CNTNAP4: variants seen among roughly 807,000 people sequenced by gnomAD.
CNTNAP4 encodes the protein contactin-associated protein-like 4.
Under a neutral mutation model 148.4 loss-of-function variants are expected in CNTNAP4, and 98 were observed. The observed-to-expected ratio is 0.66, with a 90% CI of 0.56 to 0.78. CNTNAP4 has a LOEUF of 0.78. CNTNAP4 is among the 30% of genes least tolerant of loss of function. The pLI is 0.00. For missense variants in CNTNAP4, 1,935 were observed against 1,565.6 expected (o/e 1.24, Z -3.98); for synonymous variants, 730 against 565.1 (o/e 1.29, Z -4.14).
chr16:76,312,734 A>G (rs62049723), intron 1 of CNTNAP4, among the ~76,000 whole-genome samples: 57,277 of 151,992 alleles, frequency 0.38, 11,891 homozygotes, highest in African/African-American at 0.53. Context: ...ACCGCAACTC[A>G]CGTTATAGAT....
chr16:76,475,050 C>T (rs11645059), intron 10 of CNTNAP4, among the ~76,000 whole-genome samples: 7 of 151,780 alleles, frequency 4.6e-5, no homozygotes, highest in Non-Finnish European at 1.0e-4. Flanking sequence ...ATCCCAGCTA[C>T]TCCAGAGGCT....
chr16:76,496,085 T>TTGTGAGTGTG (rs1555576718), intron 14 of CNTNAP4, among the ~76,000 whole-genome samples: 1 of 140,036 alleles, frequency 7.1e-6, no homozygotes, highest in Non-Finnish European at 1.6e-5. Context: ...CAAGATTATG[T>TTGTGAGTGTG]TGTGTGTGTG....
At chr16:76,290,307 C>T (rs1490256460) in intron 1 of CNTNAP4, among the ~76,000 whole-genome samples, 1 of 152,208 alleles carries the variant, frequency 6.6e-6, no homozygotes, top group Non-Finnish European at 1.5e-5. Context: ...GAAATCTCCT[C>T]TCCTGAATAT....
At chr16:76,396,319 C>T (rs2078203861) in intron 3 of CNTNAP4, among the ~76,000 whole-genome samples, 1 of 152,168 alleles carries the variant, frequency 6.6e-6, no homozygotes, top group South Asian at 2.1e-4. Flanking sequence ...CCAGACACCA[C>T]CAGAAACACA....
intron 2 of CNTNAP4, among the ~76,000 whole-genome samples, chr16:76,319,209 G>A (rs1171807743): frequency 6.6e-6 from 1 of 152,072 alleles, no homozygotes; most frequent in Non-Finnish European, 1.5e-5. Context: ...GGGCAACATG[G>A]CAAAACTCTG....
intron 2 of CNTNAP4, among the ~76,000 whole-genome samples, chr16:76,342,347 G>T (rs972656067): frequency 2.0e-5 from 3 of 151,548 alleles, no homozygotes; most frequent in Non-Finnish European, 4.4e-5. Context: ...TTATGCATCT[G>T]TTGAAGGAAA....
chr16:76,351,002 T>G (rs541490866), intron 2 of CNTNAP4, among the ~76,000 whole-genome samples: 1 of 152,194 alleles, frequency 6.6e-6, no homozygotes, highest in Admixed American at 6.5e-5. Flanking sequence ...TGTTTTTGTT[T>G]TGTGCGTAAA....
intron 10 of CNTNAP4, among the ~76,000 whole-genome samples, chr16:76,470,650 C>A (rs1049003389): frequency 1.3e-5 from 2 of 150,308 alleles, no homozygotes; most frequent in East Asian, 3.9e-4. Context: ...AACGCCGTCT[C>A]GAAAAACAAA....
intron 3 of CNTNAP4, among the ~76,000 whole-genome samples, chr16:76,366,070 C>CT (rs1040634961): frequency 6.6e-6 from 1 of 152,058 alleles, no homozygotes; most frequent in South Asian, 2.1e-4. Context: ...AATTTTTTGA[C>CT]TTTAAGTTTT....
intron 3 of CNTNAP4, among the ~76,000 whole-genome samples, chr16:76,398,850 T>G (rs943238463): frequency 1.3e-5 from 2 of 152,138 alleles, no homozygotes; most frequent in African/African-American, 4.8e-5. Flanking sequence ...ATATATATAC[T>G]TATATATTTA....
At chr16:76,496,229 C>T (rs2082398515) in intron 14 of CNTNAP4, among the ~76,000 whole-genome samples, 1 of 151,776 alleles carries the variant, frequency 6.6e-6, no homozygotes. Context: ...GCACCCTTTT[C>T]TTATCACTAC....
intron 4 of CNTNAP4, among the ~76,000 whole-genome samples, chr16:76,447,356 TTA>T (rs369902182): frequency 1.1e-4 from 16 of 147,482 alleles, no homozygotes; most frequent in African/African-American, 4.0e-4. Context: ...ATATATGAAA[TTA>T]TATATATATA....
chr16:76,368,939 A>G (rs562006663), intron 3 of CNTNAP4, among the ~76,000 whole-genome samples: 2 of 152,310 alleles, frequency 1.3e-5, no homozygotes, highest in Non-Finnish European at 2.9e-5. Context: ...CAGAACAGTT[A>G]TGGAACACTT....
Position 76,467,487 on chromosome 16 carries a change from G to T in CNTNAP4, c.1619G>T (p.Ser540Ile). Residue 540 changes from serine (S) to isoleucine (I), a missense_variant, in exon 10 of 24, where the codon AGT becomes ATT. By Grantham distance (142) the Ser-to-Ile change is moderately radical (BLOSUM62 -2). Coordinates refer to ENST00000611870, the MANE Select transcript of CNTNAP4 (RefSeq NM_033401.5). ...SVQQGSLGNF[S>I]DLQIDSCGIS... ...CAGCAGGGGTCCCTTGGGAACTTCA[G>T]TGACCTTCAGATAGACTCATGTGGC... is the stretch of plus-strand genomic sequence containing the variant. 1 of 1,613,876 alleles carries T rather than the reference G, an allele frequency of 6.2e-7. No individual in the cohort carries two copies. Among genetic ancestry groups the T allele is most frequent in the South Asian group, 1.1e-5 (1 of 91,076 alleles).
chr16:76,374,627 A>G lies in CNTNAP4; in HGVS notation c.390+19116A>G, dbSNP rs559554402. Reference sequence around the variant, plus strand: ...ATTCTTTGTATTTATGTACACACAAACATTGAATTTCCGTGTACATTACTC... The same window carrying G: ...ATTCTTTGTATTTATGTACACACAAGCATTGAATTTCCGTGTACATTACTC... On this transcript the variant is annotated intron_variant, in intron 3 of 23. Transcript: ENST00000611870. Among the ~76,000 whole-genome samples the G allele has an allele frequency of 5.3e-5, 8 of 151,996 alleles. No individual in the cohort carries two copies. The South Asian group carries it at 1.7e-3, about 32-fold the overall frequency.
chr16:76,552,834 C>A (rs575039508), intron 21 of CNTNAP4, among the ~76,000 whole-genome samples: 138 of 152,268 alleles, frequency 9.1e-4, no homozygotes, highest in Non-Finnish European at 1.3e-3. Flanking sequence ...TAACAGAAGT[C>A]CAGAGGCTCA....
chr16:76,479,735 G>A (rs1440955532), intron 12 of CNTNAP4, among the ~76,000 whole-genome samples, 197 bp downstream of exon 12: 1 of 151,948 alleles, frequency 6.6e-6, no homozygotes, highest in African/African-American at 2.4e-5. Context: ...TAATGCATGT[G>A]GCATCTGTGT....
chr16:76,326,877 C>G (rs1369474775), intron 2 of CNTNAP4, among the ~76,000 whole-genome samples: 1 of 151,528 alleles, frequency 6.6e-6, no homozygotes, highest in Non-Finnish European at 1.5e-5. Context: ...TGCAGCACAC[C>G]AACATGGCAC....
In CNTNAP4 at chr16:76,452,532, C is replaced by A. The variant is rs1445337499; in HGVS notation, c.1096C>A (p.Gln366Lys). The change falls in exon 8 of 24, where the codon CAA becomes AAA. Residue 366 changes from glutamine to lysine, a missense_variant. By Grantham distance (53) the Gln-to-Lys change is moderately conservative. Coordinates refer to ENST00000611870, the MANE Select transcript of CNTNAP4 (RefSeq NM_033401.5). ...GGGAAATGTGTCATTTTCTTGTTCA[C>A]AACCACAATCTATGCCCGTGACTTT... The part of the protein sequence containing the change: ...AMGNVSFSCS[Q>K]PQSMPVTFLS... 1 of 1,613,820 alleles carries A rather than the reference C, an allele frequency of 6.2e-7. No individual in the cohort carries two copies. Among genetic ancestry groups the A allele is most frequent in the East Asian group, 2.2e-5 (1 of 44,880 alleles).
Sources: allele counts gnomAD v4.1 joint callset (sites outside exome capture counted in the v4.1 genomes callset), GRCh38; gene constraint gnomAD v4.1.1; transcripts MANE v1.5; gene names NCBI Gene and HGNC (gene_info 2026-07-23, HGNC 2026-07-21).